Variants in KIRREL3 observed in about 807,000 individuals in gnomAD.
The protein encoded by KIRREL3 is kin of IRRE-like protein 3.
KIRREL3 carries 36 observed loss-of-function variants against 89.7 expected under a neutral mutation model. The ratio of observed to expected loss-of-function variants is 0.40; its 90% CI spans 0.31 to 0.53. The LOEUF (loss-of-function observed/expected upper bound fraction) is 0.53, where lower values mean the gene tolerates loss of function less well. Ranked by LOEUF, KIRREL3 falls within the 20% of genes least tolerant of loss-of-function variation. The pLI is 0.49. For missense variants in KIRREL3, 864 were observed against 1,056.6 expected (o/e 0.82, Z 2.53); for synonymous variants, 445 against 441.4 (o/e 1.01, Z -0.10).
rs1287145976 is a variant in KIRREL3, at chr11:126,764,334, A to T, written c.56-201422T>A. ...CCACCTCTTTCTTAGCTAGATACAG[A>T]TGGAAAAAAAAAATGACAGCATTGG... On this transcript the variant is annotated intron_variant, in intron 1 of 16. Transcript: ENST00000525144. This position sits in a 1 kb window ranked among gnomAD's most constrained non-coding sequence, Gnocchi z 4.2. 6.6e-6 allele frequency among the ~76,000 whole-genome samples: 1 copy of T among 152,068 alleles called. No individual in the cohort carries two copies. Among genetic ancestry groups the T allele is most frequent in the Admixed American group, 6.5e-5 (1 of 15,270 alleles).
rs1336229413 is a variant in KIRREL3 at position 126,896,133 on chromosome 11, A to G, written c.55+104322T>C. Among the ~76,000 whole-genome samples the G allele has an allele frequency of 1.3e-5, 2 of 152,264 alleles. No individual in the cohort carries two copies. The highest frequency in any genetic ancestry group is 1.3e-4 in the Admixed American group (2 of 15,288). ...TTGTTTATCCCTGAAGAGCACATGT[A>G]TAGCTTATAGCAAATAAAAAGCTGG... On this transcript the variant is annotated intron_variant, in intron 1 of 16. Transcript: ENST00000525144. The surrounding 1 kb of genome is among the most constrained non-coding windows in gnomAD (Gnocchi z 4.1).
rs190994679 is a variant in KIRREL3, at chr11:126,441,425, G to A, written c.1253-876C>T. ...CTAACCCAAGTCTTTCCCCTGTGAC[G>A]CCTGCCTGGCCGTGAAAGACAAAAG... On this transcript the variant is annotated intron_variant, in intron 10 of 16. Coordinates refer to ENST00000525144, the MANE Select transcript of KIRREL3 (RefSeq NM_032531.4). This position sits in a 1 kb window ranked among gnomAD's most constrained non-coding sequence, Gnocchi z 5.0. Among the ~76,000 whole-genome samples the A allele has an allele frequency of 2.0e-5, 3 of 152,296 alleles. No individual in the cohort carries two copies. The highest frequency in any genetic ancestry group is 1.3e-4 in the Admixed American group (2 of 15,304).
At position 126,553,691 on chromosome 11, in the gene KIRREL3, C is replaced by A. The variant is rs1939466654; in HGVS notation, c.133+9144G>T. ...ACTGACTTGTTCTGCTTTAATGCAC[C>A]CCTCAAATTTCCATAGGGCTGTGCT... On this transcript the variant is annotated intron_variant, in intron 2 of 16. Coordinates refer to ENST00000525144, the MANE Select transcript of KIRREL3 (RefSeq NM_032531.4). This position sits in a 1 kb window ranked among gnomAD's most constrained non-coding sequence, Gnocchi z 4.7. 6.6e-6 allele frequency among the ~76,000 whole-genome samples: 1 copy of A among 152,106 alleles called. No homozygotes were observed. Among genetic ancestry groups the A allele is most frequent in the Admixed American group, 6.5e-5 (1 of 15,278 alleles).
chr11:126,493,078 G>T (rs1236216614), intron 4 of KIRREL3, among the ~76,000 whole-genome samples: 1 of 152,240 alleles, frequency 6.6e-6, no homozygotes, highest in Non-Finnish European at 1.5e-5. Context: ...CACAAAGACA[G>T]TGAGGTAGGC....
chr11:126,600,943 A>T (rs1224884866), intron 1 of KIRREL3, among the ~76,000 whole-genome samples: 2 of 152,230 alleles, frequency 1.3e-5, no homozygotes, highest in African/African-American at 4.8e-5. Flanking sequence ...AGTTATTTGC[A>T]TATTCCCTTC....
chr11:126,695,060 C>T (rs1306112334), intron 1 of KIRREL3, among the ~76,000 whole-genome samples: 1 of 152,218 alleles, frequency 6.6e-6, no homozygotes, highest in African/African-American at 2.4e-5. Flanking sequence ...CCCTCACCCC[C>T]TTCTGTCTGC....
intron 1 of KIRREL3, among the ~76,000 whole-genome samples, chr11:126,846,900 G>T (rs1944161944): frequency 6.6e-6 from 1 of 152,134 alleles, no homozygotes; most frequent in South Asian, 2.1e-4. Flanking sequence ...GGACATATTG[G>T]CTAAAGTTAA....
At chr11:126,439,098 C>T (rs1195070236) in intron 11 of KIRREL3, among the ~76,000 whole-genome samples, 2 of 152,210 alleles carry the variant, frequency 1.3e-5, no homozygotes, top group African/African-American at 2.4e-5. Flanking sequence ...GTACAAGACT[C>T]TGCCCCTGGA....
intron 1 of KIRREL3, among the ~76,000 whole-genome samples, chr11:126,756,854 A>G (rs1949519484): frequency 6.6e-6 from 1 of 152,148 alleles, no homozygotes; most frequent in Admixed American, 6.5e-5. Context: ...TGGTGGGGAA[A>G]ATTGGTGGTA....
At chr11:126,589,042 C>A (rs544081677) in intron 1 of KIRREL3, among the ~76,000 whole-genome samples, 1 of 152,326 alleles carries the variant, frequency 6.6e-6, no homozygotes, top group East Asian at 1.9e-4. Context: ...GAACCCAGGG[C>A]ACCCGCACAC....
chr11:126,505,737 A>G (rs2134380848), intron 4 of KIRREL3, among the ~76,000 whole-genome samples: 1 of 152,346 alleles, frequency 6.6e-6, no homozygotes, highest in South Asian at 2.1e-4. Flanking sequence ...ATGCTTAGGG[A>G]TAAATTTATC....
At chr11:126,499,335 G>A (rs566454367) in intron 4 of KIRREL3, among the ~76,000 whole-genome samples, 94 of 152,020 alleles carry the variant, frequency 6.2e-4, no homozygotes, top group African/African-American at 2.1e-3. Context: ...CTTTTTCATC[G>A]TTAGTAAGCA....
At chr11:126,774,559 G>C (rs190807343) in intron 1 of KIRREL3, among the ~76,000 whole-genome samples, 209 of 152,330 alleles carry the variant, frequency 1.4e-3, no homozygotes, top group African/African-American at 4.6e-3. Context: ...CAGCTTGAGC[G>C]TGCAGTATGC....
rs573442361 is a variant in KIRREL3, at chr11:126,587,416, C to G, written c.56-24504G>C. On this transcript the variant is annotated intron_variant, in intron 1 of 16. Transcript: ENST00000525144. The surrounding 1 kb of genome is among the most constrained non-coding windows in gnomAD (Gnocchi z 5.2). ...GTAAGCCAGGAGTAGTTTGCAGACC[C>G]CTGGCTGGGCAGCTTTCCAATCTGG... 4.6e-5 allele frequency among the ~76,000 whole-genome samples: 7 copies of G among 152,260 alleles called. No homozygotes were observed. In the South Asian group the frequency reaches 1.5e-3, roughly 32 times the overall value.
intron 1 of KIRREL3, among the ~76,000 whole-genome samples, chr11:126,956,431 C>T (rs1284245243): frequency 6.6e-6 from 1 of 152,174 alleles, no homozygotes; most frequent in Non-Finnish European, 1.5e-5. Context: ...TTCCACATGT[C>T]TAGTCATTTT....
chr11:126,803,033 C>T (rs1168275932), intron 1 of KIRREL3, among the ~76,000 whole-genome samples: 1 of 152,144 alleles, frequency 6.6e-6, no homozygotes, highest in African/African-American at 2.4e-5. Context: ...CCTCCATTCA[C>T]GTGAAAATTA....
At chr11:126,618,038 C>T (rs1943425152) in intron 1 of KIRREL3, among the ~76,000 whole-genome samples, 1 of 152,178 alleles carries the variant, frequency 6.6e-6, no homozygotes, top group Non-Finnish European at 1.5e-5. Context: ...AATGGCTTAG[C>T]ACCATCCCTT....
chr11:126,782,954 A>T lies in KIRREL3; in HGVS notation c.55+217501T>A, dbSNP rs184731294. Among the ~76,000 whole-genome samples the T allele has an allele frequency of 1.0e-3, 153 of 152,298 alleles. No homozygotes were observed. The highest frequency in any genetic ancestry group is 2.0e-3 in the Admixed American group (31 of 15,300). ...CCAGGGCTCCTTGAAGAAATGGCCAATTCTAGCACAGGATCAGGAAATACA... is the reference window on the plus strand; with the variant it reads ...CCAGGGCTCCTTGAAGAAATGGCCATTTCTAGCACAGGATCAGGAAATACA... On this transcript the variant is annotated intron_variant, in intron 1 of 16. Coordinates refer to ENST00000525144, the MANE Select transcript of KIRREL3 (RefSeq NM_032531.4). This position sits in a 1 kb window ranked among gnomAD's most constrained non-coding sequence, Gnocchi z 4.1.
intron 1 of KIRREL3, among the ~76,000 whole-genome samples, chr11:126,633,419 G>A (rs1188351418): frequency 6.6e-6 from 1 of 152,126 alleles, no homozygotes; most frequent in Non-Finnish European, 1.5e-5. Flanking sequence ...GAGGTGTTTG[G>A]GTTGTGGGGG....
Sources: allele counts gnomAD v4.1 joint callset (sites outside exome capture counted in the v4.1 genomes callset), GRCh38; gene constraint gnomAD v4.1.1; non-coding constraint Gnocchi (gnomAD v3.1); transcripts MANE v1.5; gene names NCBI Gene and HGNC (gene_info 2026-07-23, HGNC 2026-07-21).